CDH7: variants seen among roughly 807,000 people sequenced by gnomAD.
CDH7 encodes the protein cadherin-7.
CDH7 carries 25 observed loss-of-function variants against 71.8 expected under a neutral mutation model. The observed-to-expected ratio is 0.35, with a 90% CI of 0.25 to 0.49. The LOEUF (loss-of-function observed/expected upper bound fraction) is 0.49, where lower values mean the gene tolerates loss of function less well. CDH7 is among the 20% of genes least tolerant of loss of function. The pLI is 0.99. For synonymous variants in CDH7, 381 were observed against 363.8 expected (o/e 1.05, Z -0.54); for missense variants, 862 against 974.6 (o/e 0.88, Z 1.54).
At chr18:65,843,111 C>A (rs745809546) in intron 6 of CDH7, among the ~76,000 whole-genome samples, 21 of 152,102 alleles carry the variant, frequency 1.4e-4, no homozygotes, top group Non-Finnish European at 2.5e-4. Flanking sequence ...AGCTCTCATG[C>A]GGTTTGAGTT....
chr18:65,755,778 G>A (rs1916011491), intron 1 of CDH7, among the ~76,000 whole-genome samples: 1 of 152,094 alleles, frequency 6.6e-6, no homozygotes, highest in Admixed American at 6.5e-5. Context: ...CTGTGGACTG[G>A]GATAAATCAC....
rs910086564 is a variant in CDH7 at position 65,889,604 on chromosome 18, T to C, written c.*8710T>C. The C allele has an allele frequency of 3.9e-5, 6 of 152,220 alleles. No individual in the cohort carries two copies. The highest frequency in any genetic ancestry group is 1.4e-4 in the African/African-American group (6 of 41,468). The allele number at this position is 152,220 out of a possible 1,614,324, so 9.4% of individuals were successfully genotyped here. A position where few individuals can be genotyped will look rare whatever the true frequency, so the allele number is the denominator to read the frequency against. On this transcript the variant is annotated 3_prime_UTR_variant, in exon 12 of 12. Coordinates refer to ENST00000397968, the MANE Select transcript of CDH7 (RefSeq NM_004361.5). The stretch of plus-strand genomic sequence containing the variant: ...AGAAACATGACAAGAAAAAGCTTTG[T>C]GTAAAATACAGAATACAACACAAGG...
intron 7 of CDH7, 51 bp from the exon 8 acceptor site, chr18:65,857,765 A>G (rs1340784858): frequency 6.4e-7 from 1 of 1,571,850 alleles, no homozygotes; most frequent in South Asian, 1.1e-5. Context: ...TCAGCAAATT[A>G]TAATCAAACG....
chr18:65,803,476 G>A (rs1409883580), intron 2 of CDH7: 1 of 151,700 alleles, frequency 6.6e-6, no homozygotes, highest in Non-Finnish European at 1.5e-5. Context: ...TAAACCACAC[G>A]TCTTCATTAG....
intron 2 of CDH7, among the ~76,000 whole-genome samples, chr18:65,771,951 T>C (rs1916557149): frequency 6.6e-6 from 1 of 152,154 alleles, no homozygotes; most frequent in African/African-American, 2.4e-5. Flanking sequence ...GGCTGTGTTA[T>C]AGGAATGGTA....
At chr18:65,828,101 TTCCAAAGCTCCC>T (rs1912198414) in intron 6 of CDH7, among the ~76,000 whole-genome samples, 1 of 151,856 alleles carries the variant, frequency 6.6e-6, no homozygotes, top group Non-Finnish European at 1.5e-5. Context: ...TAATTTTTAT[TTCCAAAGCTCCC>T]TCCACCTCCA....
At position 65,781,922 on chromosome 18, in the gene CDH7, TTCTCTC is replaced by T. The variant is rs371567785; in HGVS notation, c.210+18888_210+18893del. 1.0e-3 allele frequency among the ~76,000 whole-genome samples: 41 copies of T among 40,682 alleles called. 1 individual carries two copies. Among genetic ancestry groups the T allele is most frequent in the Admixed American group, 4.7e-3 (24 of 5,124 alleles). 26.7% of individuals were successfully genotyped at this position (40,682 alleles called of 152,430 possible). ...TCTCTATCTTTCTCTCTTTCTCTCT[TTCTCTC>T]TCTCTCTCTCTCTCTCTTTCTCTCT... is the stretch of plus-strand genomic sequence containing the variant. On this transcript the variant is annotated intron_variant, in intron 2 of 11. Coordinates refer to ENST00000397968, the MANE Select transcript of CDH7 (RefSeq NM_004361.5).
chr18:65,871,057 T>G (rs1462513821), intron 11 of CDH7, among the ~76,000 whole-genome samples: 1 of 152,036 alleles, frequency 6.6e-6, no homozygotes, highest in East Asian at 1.9e-4. Flanking sequence ...TAGAATAGAG[T>G]AGATATCAGA....
chr18:65,875,281 T>A (rs1490391127), intron 11 of CDH7, among the ~76,000 whole-genome samples: 1 of 152,196 alleles, frequency 6.6e-6, no homozygotes, highest in African/African-American at 2.4e-5. Context: ...GGATACTTAT[T>A]GTAGAGACCA....
At chr18:65,850,580 TTTATTATTATTATTATTATTA>T (rs138534553) in intron 7 of CDH7, among the ~76,000 whole-genome samples, 1 of 147,752 alleles carries the variant, frequency 6.8e-6, no homozygotes, top group Non-Finnish European at 1.5e-5. Context: ...CTGCAGAGGT[TTTATTATTATTATTATTATTA>T]TTATTATTAT....
At chr18:65,776,742 C>T (rs2143818736) in intron 2 of CDH7, among the ~76,000 whole-genome samples, 1 of 152,242 alleles carries the variant, frequency 6.6e-6, no homozygotes. Context: ...TCCTATACTT[C>T]ATAAAGTTCT....
rs1469186316 is a variant in CDH7, at chr18:65,885,473, G to T, written c.*4579G>T. 2 of 144,916 alleles carry T rather than the reference G, an allele frequency of 1.4e-5. No individual in the cohort carries two copies. The highest frequency in any genetic ancestry group is 2.5e-5 in the African/African-American group (1 of 39,468). 9.0% of individuals were successfully genotyped at this position (144,916 alleles called of 1,614,324 possible). ...GCTCACTGCAAGCTCCGCCTCCAGGGTTCACACCGTTCTCCTGCCTCAACC... is the reference window on the plus strand; with the variant it reads ...GCTCACTGCAAGCTCCGCCTCCAGGTTTCACACCGTTCTCCTGCCTCAACC... On this transcript the variant is annotated 3_prime_UTR_variant, in exon 12 of 12. Coordinates refer to ENST00000397968, the MANE Select transcript of CDH7 (RefSeq NM_004361.5).
chr18:65,836,666 T>C (rs917143979), intron 6 of CDH7, among the ~76,000 whole-genome samples: 1 of 137,250 alleles, frequency 7.3e-6, no homozygotes, highest in Non-Finnish European at 1.6e-5. Flanking sequence ...TCCTAATATC[T>C]GTGTTCAAGT....
intron 6 of CDH7, among the ~76,000 whole-genome samples, chr18:65,834,177 G>A (rs1265509724): frequency 6.6e-6 from 1 of 152,162 alleles, no homozygotes; most frequent in Non-Finnish European, 1.5e-5. Context: ...TAAAGACATA[G>A]CCAGTATTTC....
At chr18:65,876,389 T>G (rs556590972) in intron 11 of CDH7, among the ~76,000 whole-genome samples, 1 of 152,178 alleles carries the variant, frequency 6.6e-6, no homozygotes, top group Non-Finnish European at 1.5e-5. Flanking sequence ...TGATTTTTAT[T>G]TATTTTTTTG....
intron 2 of CDH7, among the ~76,000 whole-genome samples, chr18:65,790,071 T>C (rs1423157402): frequency 6.6e-6 from 1 of 151,336 alleles, no homozygotes; most frequent in African/African-American, 2.4e-5. Context: ...CTACTAAAAA[T>C]ACAAAAAAAT....
chr18:65,855,093 A>C (rs1913304519), intron 7 of CDH7, among the ~76,000 whole-genome samples: 1 of 152,098 alleles, frequency 6.6e-6, no homozygotes, highest in Non-Finnish European at 1.5e-5. Context: ...CAGGTAGTTT[A>C]GTGAAGATGA....
At chr18:65,751,983 G>A (rs1915894543) in intron 1 of CDH7, among the ~76,000 whole-genome samples, 1 of 152,212 alleles carries the variant, frequency 6.6e-6, no homozygotes, top group Admixed American at 6.5e-5. Flanking sequence ...AGTTCACCCA[G>A]CACTGGGCAA....
chr18:65,870,989 A>G (rs1166000848), intron 11 of CDH7, among the ~76,000 whole-genome samples: 1 of 152,174 alleles, frequency 6.6e-6, no homozygotes, highest in African/African-American at 2.4e-5. Context: ...ACATATTTTA[A>G]TCCCTTCAAG....
Sources: allele counts gnomAD v4.1 joint callset (sites outside exome capture counted in the v4.1 genomes callset), GRCh38; gene constraint gnomAD v4.1.1; transcripts MANE v1.5; gene names NCBI Gene and HGNC (gene_info 2026-07-23, HGNC 2026-07-21).